The following PRR14L variants were observed in gnomAD, a reference collection of about 807,000 sequenced individuals.
PRR14L encodes proline rich 14 like.
In PRR14L, 80 loss-of-function variants were observed where a neutral mutation model predicts 155.0. That is an observed-to-expected ratio of 0.52 (90% CI 0.43 to 0.62). PRR14L has a LOEUF of 0.62. Among genes scored for constraint, PRR14L ranks in the 20% least tolerant of loss-of-function variants. The pLI is 0.00. For synonymous variants in PRR14L, 883 were observed against 916.0 expected (o/e 0.96, Z 0.65); for missense variants, 2,469 against 2,548.0 (o/e 0.97, Z 0.67).
chr22:31,739,568 T>C (rs2074801354), intron 1 of PRR14L, among the ~76,000 whole-genome samples: 1 of 152,336 alleles, frequency 6.6e-6, no homozygotes, highest in Non-Finnish European at 1.5e-5. Context: ...TCCACAGTCA[T>C]CACTCATTTG....
chr22:31,714,814 T>C lies in PRR14L; in HGVS notation c.3025A>G (p.Asn1009Asp), dbSNP rs1488786352. 1.3e-6 allele frequency: 2 copies of C among 1,552,206 alleles called. No homozygotes were observed. The highest frequency in any genetic ancestry group is 2.4e-5 in the South Asian group (2 of 84,062). Residue 1009 changes from asparagine to aspartate, a missense_variant, in exon 4 of 9, where the codon AAC becomes GAC. Around this residue, in one of 2 missense-constraint regions of PRR14L, gnomAD observed 2,363 missense variants for 2,371.6 expected, o/e 1.00. Coordinates refer to ENST00000327423, the MANE Select transcript of PRR14L (RefSeq NM_173566.3). ...ACCAGCAGATCCTTTTGGTTGTGGT[T>C]TACCTCCCCGTGAGGCTCGGTGACA... ...ETVTEPHGEV[N>D]HNQKDLLVSS... is the part of the protein sequence containing the mutation.
chr22:31,685,786 A>G lies in PRR14L; in HGVS notation c.6197T>C (p.Phe2066Ser). 6.4e-7 allele frequency: 1 copy of G among 1,551,612 alleles called. No individual in the cohort carries two copies. The highest frequency in any genetic ancestry group is 8.7e-7 in the Non-Finnish European group (1 of 1,146,946). Residue 2066 changes from phenylalanine to serine, a missense_variant, in exon 9 of 9, where the codon TTT (phenylalanine) becomes TCT (serine). By Grantham distance (155) the Phe-to-Ser change is radical. Around this residue, in one of 2 missense-constraint regions of PRR14L, gnomAD observed 106 missense variants for 176.4 expected, o/e 0.60. Coordinates refer to ENST00000327423, the MANE Select transcript of PRR14L (RefSeq NM_173566.3). ...ACCATTTCGTTCCTTGGGTTCCTCA[A>G]AGATGGTCTCTAAACACCTAAGGAT... ...PPANRCLETIFEEPKERNGTL... is the reference protein window; with the variant it reads ...PPANRCLETISEEPKERNGTL...
Position 31,684,363 on chromosome 22 carries a change from T to C in PRR14L, c.*1164A>G, listed in dbSNP as rs2074471188. The C allele has an allele frequency of 6.6e-6, 1 of 152,142 alleles. No homozygotes were observed. Among genetic ancestry groups the C allele is most frequent in the Admixed American group, 6.6e-5 (1 of 15,262 alleles). The allele number at this position is 152,142 out of a possible 1,614,324, so 9.4% of individuals were successfully genotyped here. The stretch of plus-strand genomic sequence containing the variant: ...TCTGGGTCTGAAACATGACCCCGAC[T>C]CTCTCCCCACACTTGAAGCGGGCTG... On this transcript the variant is annotated 3_prime_UTR_variant, in exon 9 of 9. Coordinates refer to ENST00000327423, the MANE Select transcript of PRR14L (RefSeq NM_173566.3).
intron 8 of PRR14L, 72 bp from the exon 9 acceptor site, chr22:31,685,875 G>A: frequency 7.1e-7 from 1 of 1,408,822 alleles, no homozygotes; most frequent in Non-Finnish European, 9.7e-7. Context: ...GGGTCAGGAT[G>A]TTGACGCTGG....
rs770643785 is a variant in PRR14L at position 31,714,563 on chromosome 22, G to A, written c.3276C>T (p.Ser1092=). Residue 1092 remains serine (S), a synonymous_variant, in exon 4 of 9, where the codon TCC becomes TCT. Coordinates refer to ENST00000327423, the MANE Select transcript of PRR14L (RefSeq NM_173566.3). The stretch of plus-strand genomic sequence containing the variant: ...GTTCTCTCCGAGACAAGGTACTCCT[G>A]GAGTCCTCTTGAAATGCCAGTTTCT... The part of the protein sequence containing the change: ...RQEKLAFQED[S]RSTLSRRELD... The A allele has an allele frequency of 1.1e-5, 17 of 1,551,812 alleles. No individual in the cohort carries two copies. The South Asian group carries it at 1.4e-4, about 13-fold the overall frequency.
At position 31,703,548 on chromosome 22, in the gene PRR14L, A is replaced by G; in HGVS notation, c.6000+2T>C. On this transcript the variant is annotated splice_donor_variant, in intron 6 of 8. Coordinates refer to ENST00000327423, the MANE Select transcript of PRR14L (RefSeq NM_173566.3). LOFTEE classifies it high-confidence loss of function. ...CTGACCCAACCAGCACTTTACACTT[A>G]CCTCTTTCTGTTCTGGGGGGCTGCT... The G allele has an allele frequency of 1.9e-6, 3 of 1,611,872 alleles. No individual in the cohort carries two copies. In the South Asian group the frequency reaches 3.3e-5, roughly 18 times the overall value.
intron 7 of PRR14L, among the ~76,000 whole-genome samples, chr22:31,697,296 T>C (rs1313563312): frequency 1.5e-5 from 2 of 132,554 alleles, no homozygotes; most frequent in African/African-American, 6.2e-5. Flanking sequence ...AGTGATACTC[T>C]GTCTCAAAAA....
At chr22:31,746,764 T>G (rs1034243468) in intron 1 of PRR14L, among the ~76,000 whole-genome samples, 3 of 152,160 alleles carry the variant, frequency 2.0e-5, no homozygotes, top group Non-Finnish European at 2.9e-5. Context: ...TGTTCTTTCT[T>G]TGCAAACGCA....
intron 3 of PRR14L, among the ~76,000 whole-genome samples, chr22:31,720,126 T>C (rs1651704171): frequency 6.6e-6 from 1 of 152,156 alleles, no homozygotes; most frequent in Admixed American, 6.5e-5. Flanking sequence ...GAGGATTAAA[T>C]TAAATAATGC....
chr22:31,698,341 A>G (rs1473918411), intron 7 of PRR14L, among the ~76,000 whole-genome samples: 2 of 152,034 alleles, frequency 1.3e-5, no homozygotes, highest in Non-Finnish European at 2.9e-5. Context: ...TATAACTTCT[A>G]TCCCCATTAA....
In PRR14L at chr22:31,688,062, A is replaced by G. The variant is rs934909734; in HGVS notation, c.6179+94T>C. ...AAAAAAAAGACCCAATATTGGTACA[A>G]CTGAACATAAACTCTTTCTAAAGTG... is the stretch of plus-strand genomic sequence containing the variant. On this transcript the variant is annotated intron_variant, in intron 8 of 8. Transcript: ENST00000327423. 4.6e-6 allele frequency: 6 copies of G among 1,292,956 alleles called. No individual in the cohort carries two copies. In the African/African-American group the frequency reaches 6.1e-5, roughly 13 times the overall value. The allele number at this position is 1,292,956 out of a possible 1,614,324, so 80.1% of individuals were successfully genotyped here. A position where few individuals can be genotyped will look rare whatever the true frequency, so the allele number is the denominator to read the frequency against.
At chr22:31,721,868 A>G (rs2074692201) in intron 3 of PRR14L, among the ~76,000 whole-genome samples, 1 of 152,204 alleles carries the variant, frequency 6.6e-6, no homozygotes, top group African/African-American at 2.4e-5. Flanking sequence ...TGGTAATTTG[A>G]TAGTACTGAC....
chr22:31,740,079 T>A (rs561573678), intron 1 of PRR14L, among the ~76,000 whole-genome samples: 1 of 152,214 alleles, frequency 6.6e-6, no homozygotes, highest in African/African-American at 2.4e-5. Context: ...ATTTTTTTTT[T>A]AGACAGGATC....
chr22:31,739,295 A>G (rs1348959006), intron 1 of PRR14L, among the ~76,000 whole-genome samples: 3 of 152,158 alleles, frequency 2.0e-5, no homozygotes, highest in Non-Finnish European at 4.4e-5. Flanking sequence ...TTTTTTGTTC[A>G]CTGCCATATC....
intron 2 of PRR14L, among the ~76,000 whole-genome samples, chr22:31,733,111 C>G (rs2074759072): frequency 6.6e-6 from 1 of 151,706 alleles, no homozygotes; most frequent in Admixed American, 6.6e-5. Context: ...CCTCAACCTC[C>G]CGAGTAGCTG....
intron 2 of PRR14L, among the ~76,000 whole-genome samples, chr22:31,727,238 T>C (rs1333627891): frequency 2.0e-5 from 3 of 151,356 alleles, no homozygotes; most frequent in Admixed American, 6.6e-5. Flanking sequence ...ACAATTCTTT[T>C]TTTTTTTTTT....
At chr22:31,743,530 G>A (rs1161972578) in intron 1 of PRR14L, among the ~76,000 whole-genome samples, 2 of 152,068 alleles carry the variant, frequency 1.3e-5, no homozygotes, top group East Asian at 3.9e-4. Context: ...GCCGGGAGCG[G>A]TGGCTCAAGC....
At chr22:31,694,246 C>T (rs1479329358) in intron 7 of PRR14L, among the ~76,000 whole-genome samples, 1 of 152,210 alleles carries the variant, frequency 6.6e-6, no homozygotes, top group African/African-American at 2.4e-5. Flanking sequence ...CACTGCACTC[C>T]AGCCGGGAAA....
chr22:31,700,797 A>G (rs557793360), intron 7 of PRR14L, among the ~76,000 whole-genome samples: 2 of 151,506 alleles, frequency 1.3e-5, no homozygotes, highest in Non-Finnish European at 2.9e-5. Context: ...CTTGTGATCC[A>G]CCCGCCTTGG....
Sources: gnomAD v4.1 joint callset for allele counts (sites outside exome capture counted in the v4.1 genomes callset) on GRCh38, gnomAD v4.1.1 for gene constraint, gnomAD v4.1.1 regional missense constraint, MANE v1.5 for transcripts, NCBI Gene and HGNC (gene_info 2026-07-23, HGNC 2026-07-21) for gene names.